The following POLA1 variants were observed in gnomAD, a reference collection of about 807,000 sequenced individuals.
POLA1 encodes DNA polymerase alpha catalytic subunit.
A neutral mutation model predicts 124.0 loss-of-function variants in POLA1; 15 were observed. The ratio of observed to expected loss-of-function variants is 0.12; its 90% CI spans 0.08 to 0.19. POLA1 has a LOEUF of 0.19. POLA1 is among the 10% of genes least tolerant of loss of function. The probability of loss-of-function intolerance (pLI) is 1.00; values close to 1 mark genes in which losing one functional copy is unlikely to be tolerated. For synonymous variants in POLA1, 408 were observed against 389.4 expected (o/e 1.05, Z -0.56); for missense variants, 886 against 1,103.4 (o/e 0.80, Z 2.79).
intron 36 of POLA1, among the ~76,000 whole-genome samples, chrX:24,934,967 C>T (rs1460647350): frequency 1.8e-5 from 2 of 111,422 alleles, no homozygotes; most frequent in Admixed American, 1.9e-4. Context: ...ATGATCCAGT[C>T]GCCTCGGCCT....
At chrX:24,914,425 C>A (rs1320503488) in intron 35 of POLA1, among the ~76,000 whole-genome samples, 1 of 110,145 alleles carries the variant, frequency 9.1e-6, no homozygotes, top group South Asian at 3.9e-4. Flanking sequence ...GGCCAGGAAT[C>A]CATACCAAGG....
At chrX:24,919,388 T>G (rs2047578853) in intron 35 of POLA1, among the ~76,000 whole-genome samples, 1 of 111,270 alleles carries the variant, frequency 9.0e-6, no homozygotes, top group African/African-American at 3.3e-5. Context: ...ACCGTACTGT[T>G]TCCTATACAT....
At chrX:24,950,445 C>G (rs1261517438) in intron 36 of POLA1, among the ~76,000 whole-genome samples, 1 of 112,055 alleles carries the variant, frequency 8.9e-6, no homozygotes, top group Non-Finnish European at 1.9e-5. Context: ...ACACAGGACT[C>G]CAGAGTTCTT....
At chrX:24,771,967 A>G (rs1212759482) in intron 26 of POLA1, among the ~76,000 whole-genome samples, 1 of 112,081 alleles carries the variant, frequency 8.9e-6, no homozygotes, top group African/African-American at 3.2e-5. Flanking sequence ...ATGCATATAC[A>G]TATGCACACG....
chrX:24,750,837 A>C (rs1363215802), intron 26 of POLA1, among the ~76,000 whole-genome samples: 1 of 111,613 alleles, frequency 9.0e-6, no homozygotes, highest in Non-Finnish European at 1.9e-5. Flanking sequence ...CTCTTATTAC[A>C]GGAAGATCAT....
rs189845135 is a variant in POLA1 at position 24,826,660 on chromosome X, C to T, written c.3736+59C>T. On this transcript the variant is annotated intron_variant, in intron 32 of 36. Transcript: ENST00000379068. ...GGTAACAGGGGCACATGTAGTCTTCCTTGTCTCTTGAGATCTCTGCTTATG... is the reference window on the plus strand; with the variant it reads ...GGTAACAGGGGCACATGTAGTCTTCTTTGTCTCTTGAGATCTCTGCTTATG... 101 of 767,092 alleles carry T rather than the reference C, an allele frequency of 1.3e-4. No individual in the cohort carries two copies. In the African/African-American group the frequency reaches 1.6e-3, roughly 12 times the overall value. The allele number at this position is 767,092 out of a possible 1,213,427, so 63.2% of individuals were successfully genotyped here.
rs183593395 is a variant in POLA1 at position 24,804,431 on chromosome X, C to G, written c.2965-5467C>G. Among the ~76,000 whole-genome samples, 133 of 111,712 alleles carry G rather than the reference C, an allele frequency of 1.2e-3. 1 individual carries two copies. Among genetic ancestry groups the G allele is most frequent in the African/African-American group, 4.1e-3 (128 of 30,845 alleles). On this transcript the variant is annotated intron_variant, in intron 26 of 36. Transcript: ENST00000379068. Reference sequence around the variant, plus strand: ...AGCCTTCAAAACCATTTATATTTTACTACCCCTGTTATGCTAATGTATTGT... The same window carrying G: ...AGCCTTCAAAACCATTTATATTTTAGTACCCCTGTTATGCTAATGTATTGT...
At chrX:24,983,863 A>C (rs960892523) in intron 36 of POLA1, among the ~76,000 whole-genome samples, 3 of 110,978 alleles carry the variant, frequency 2.7e-5, no homozygotes, top group East Asian at 5.7e-4. Flanking sequence ...AGACCTCTCT[A>C]AGCACCATTT....
chrX:24,819,786 C>T (rs1018352152), intron 30 of POLA1, among the ~76,000 whole-genome samples: 2 of 111,372 alleles, frequency 1.8e-5, no homozygotes, highest in Middle Eastern at 4.6e-3. Context: ...GATATTTGTC[C>T]TAATGCTCTC....
chrX:24,911,086 A>T (rs180906755), intron 35 of POLA1, among the ~76,000 whole-genome samples: 1 of 112,432 alleles, frequency 8.9e-6, no homozygotes, highest in East Asian at 2.8e-4. Context: ...TAACAGGAAA[A>T]TCTTCAAGTA....
At chrX:24,833,508 T>G (rs369320901) in intron 32 of POLA1, among the ~76,000 whole-genome samples, 1 of 112,149 alleles carries the variant, frequency 8.9e-6, no homozygotes, top group African/African-American at 3.2e-5. Flanking sequence ...CTAGTTTACA[T>G]TCCCACCAGC....
intron 27 of POLA1, among the ~76,000 whole-genome samples, chrX:24,810,336 A>C (rs994003423): frequency 3.6e-5 from 4 of 111,675 alleles, no homozygotes; most frequent in African/African-American, 1.3e-4. Context: ...TCCGCTTCTT[A>C]AATTGCCATG....
intron 36 of POLA1, among the ~76,000 whole-genome samples, chrX:24,937,006 G>T (rs1305476421): frequency 1.8e-5 from 2 of 111,216 alleles, no homozygotes; most frequent in Non-Finnish European, 3.8e-5. Context: ...TTTTAAGATG[G>T]GTAACTGTAA....
At chrX:24,938,596 T>C (rs185843684) in intron 36 of POLA1, among the ~76,000 whole-genome samples, 23 of 112,619 alleles carry the variant, frequency 2.0e-4, no homozygotes, top group Admixed American at 1.8e-3. Context: ...AACAAGATTC[T>C]ATTTCTTAAA....
intron 34 of POLA1, among the ~76,000 whole-genome samples, chrX:24,878,765 A>G (rs2046966855): frequency 9.1e-6 from 1 of 109,862 alleles, no homozygotes; most frequent in Admixed American, 9.7e-5. Context: ...TTAAGAACAG[A>G]CTATTTTTTT....
chrX:24,783,251 G>A (rs1218136464), intron 26 of POLA1, among the ~76,000 whole-genome samples: 2 of 111,566 alleles, frequency 1.8e-5, no homozygotes, highest in African/African-American at 6.5e-5. Context: ...AAAACCTATG[G>A]TCAGCCAGCA....
At chrX:24,724,048 T>C (rs1337116215) in intron 11 of POLA1, among the ~76,000 whole-genome samples, 1 of 112,494 alleles carries the variant, frequency 8.9e-6, no homozygotes, top group Non-Finnish European at 1.9e-5. Flanking sequence ...TCAGTTGAAC[T>C]GTGGAGTCTC....
At chrX:24,799,350 G>C (rs947620334) in intron 26 of POLA1, among the ~76,000 whole-genome samples, 17 of 112,396 alleles carry the variant, frequency 1.5e-4, no homozygotes, top group African/African-American at 5.2e-4. Context: ...GTAATGACAA[G>C]GGACAGCTTG....
At chrX:24,762,621 T>TA (rs1932816684) in intron 26 of POLA1, among the ~76,000 whole-genome samples, 1 of 110,725 alleles carries the variant, frequency 9.0e-6, no homozygotes, top group African/African-American at 3.3e-5. Context: ...AAGGCTGAGG[T>TA]AGCTGAAGTA....
Sources: gnomAD v4.1 joint callset for allele counts (sites outside exome capture counted in the v4.1 genomes callset) on GRCh38, gnomAD v4.1.1 for gene constraint, MANE v1.5 for transcripts, NCBI Gene and HGNC (gene_info 2026-07-23, HGNC 2026-07-21) for gene names.